Variants in FIGN observed in about 807,000 individuals in gnomAD.
FIGN encodes the protein fidgetin.
Under a neutral mutation model 51.3 loss-of-function variants are expected in FIGN, and 11 were observed. The ratio of observed to expected loss-of-function variants is 0.21; its 90% confidence interval spans 0.13 to 0.35. The LOEUF is 0.35. FIGN is among the 10% of genes least tolerant of loss of function. FIGN has a pLI of 1.00. For synonymous variants in FIGN, 407 were observed against 363.2 expected, an observed-to-expected ratio of 1.12 and a Z score of -1.37; for missense variants, 857 against 943.6, an observed-to-expected ratio of 0.91 and a Z score of 1.20.
chr2:163,636,551 C>T (rs531989007), intron 2 of FIGN, among the ~76,000 whole-genome samples: 33 of 152,288 alleles, frequency 2.2e-4, no homozygotes, highest in Admixed American at 1.3e-3. Flanking sequence ...TCCCAAAGTG[C>T]TGGGATTACA....
chr2:163,668,023 C>CCCA (rs1553498974), intron 2 of FIGN, among the ~76,000 whole-genome samples: 2 of 149,470 alleles, frequency 1.3e-5, no homozygotes, highest in Non-Finnish European at 1.5e-5. Context: ...AACCCCCCCC[C>CCCA]CCAAAAAACC....
At chr2:163,694,477 G>A (rs943055177) in intron 2 of FIGN, among the ~76,000 whole-genome samples, 1 of 152,130 alleles carries the variant, frequency 6.6e-6, no homozygotes, top group Non-Finnish European at 1.5e-5. Flanking sequence ...ACAGGATGGG[G>A]CAAGCAAGAA....
intron 2 of FIGN, among the ~76,000 whole-genome samples, chr2:163,712,223 A>C (rs896119583): frequency 2.6e-5 from 4 of 152,224 alleles, no homozygotes; most frequent in African/African-American, 9.6e-5. Flanking sequence ...ATTAAATTGT[A>C]AGATTTACAA....
rs1025488035 is a variant in FIGN at position 163,605,190 on chromosome 2, T to C, written c.*4362A>G. 7.9e-5 allele frequency: 12 copies of C among 151,958 alleles called. No homozygotes were observed. The highest frequency in any genetic ancestry group is 2.9e-4 in the African/African-American group (12 of 41,392). 9.4% of individuals were successfully genotyped at this position (151,958 alleles called of 1,614,324 possible). On this transcript the variant is annotated 3_prime_UTR_variant, in exon 3 of 3. Transcript: ENST00000333129. ...GCAGTGCCTAGTGCTACACTGCTTG[T>C]GTTGTATTTAAAAACAGGGGAAAGA... is the stretch of plus-strand genomic sequence containing the variant.
Position 163,610,996 on chromosome 2 carries a change from A to T in FIGN, c.836T>A (p.Ile279Asn), listed in dbSNP as rs1691240814. 1 of 1,613,734 alleles carries T rather than the reference A, an allele frequency of 6.2e-7. No individual in the cohort carries two copies. Among genetic ancestry groups the T allele is most frequent in the Non-Finnish European group, 8.5e-7 (1 of 1,180,000 alleles). Residue 279 changes from isoleucine (I) to asparagine (N), a missense_variant, in exon 3 of 3, where the codon ATT becomes AAT. Transcript: ENST00000333129. ...PPPSAYLPSG[I>N]PAPTPLPPTT... ...GGGGGGTAGGGGGGTGGGAGCAGGA[A>T]TTCCTGAAGGCAGGTACGCTGAAGG...
In FIGN at chr2:163,630,677, G is replaced by T. The variant is rs571366251; in HGVS notation, c.26-18871C>A. Among the ~76,000 whole-genome samples the T allele has an allele frequency of 3.4e-5, 5 of 146,756 alleles. No homozygotes were observed. In the South Asian group the frequency reaches 1.1e-3, roughly 31 times the overall value. ...TAGCAAGGATTTGTACAAAAAAAAG[G>T]GGGGGGGGAATGATGATTGTCAGTC... On this transcript the variant is annotated intron_variant, in intron 2 of 2. Coordinates refer to ENST00000333129, the MANE Select transcript of FIGN (RefSeq NM_018086.4).
chr2:163,631,620 G>C (rs970856265), intron 2 of FIGN, among the ~76,000 whole-genome samples: 2 of 151,520 alleles, frequency 1.3e-5, no homozygotes, highest in Non-Finnish European at 2.9e-5. Context: ...ACCATTTTCC[G>C]TATCACTTTG....
intron 2 of FIGN, among the ~76,000 whole-genome samples, chr2:163,667,501 C>T (rs891647309): frequency 6.6e-6 from 1 of 152,164 alleles, no homozygotes; most frequent in African/African-American, 2.4e-5. Context: ...AGCTCCATTC[C>T]CTCCATTCCC....
intron 2 of FIGN, among the ~76,000 whole-genome samples, chr2:163,645,802 T>C (rs576207800): frequency 1.3e-5 from 2 of 152,328 alleles, no homozygotes; most frequent in East Asian, 3.9e-4. Context: ...ATGAACCTGA[T>C]GCTCCACAAC....
At chr2:163,685,156 A>G (rs1684127760) in intron 2 of FIGN, among the ~76,000 whole-genome samples, 1 of 152,022 alleles carries the variant, frequency 6.6e-6, no homozygotes, top group Non-Finnish European at 1.5e-5. Flanking sequence ...TAAACACCTA[A>G]CAGTTTCATT....
intron 1 of FIGN, among the ~76,000 whole-genome samples, 182 bp downstream of exon 1, chr2:163,735,656 T>A (rs1189856935): frequency 6.6e-6 from 1 of 152,192 alleles, no homozygotes; most frequent in Non-Finnish European, 1.5e-5. Context: ...AGGGCTACTT[T>A]GAACAGAGAA....
chr2:163,639,688 G>C (rs531317204), intron 2 of FIGN, among the ~76,000 whole-genome samples: 1 of 152,176 alleles, frequency 6.6e-6, no homozygotes, highest in East Asian at 1.9e-4. Flanking sequence ...ATAGGAAATA[G>C]TTACATCATT....
chr2:163,704,656 T>TCTCTCTCTCACA (rs72286438), intron 2 of FIGN, among the ~76,000 whole-genome samples: 1 of 129,710 alleles, frequency 7.7e-6, no homozygotes, highest in African/African-American at 3.2e-5. Context: ...TCTCTCTCTC[T>TCTCTCTCTCACA]CACACACACA....
At chr2:163,662,620 A>G (rs993201814) in intron 2 of FIGN, among the ~76,000 whole-genome samples, 2 of 152,090 alleles carry the variant, frequency 1.3e-5, no homozygotes, top group Admixed American at 6.5e-5. Flanking sequence ...GGCCGGGCCC[A>G]GGGTCCCAGT....
chr2:163,654,964 G>A (rs539106901), intron 2 of FIGN, among the ~76,000 whole-genome samples: 62 of 152,304 alleles, frequency 4.1e-4, no homozygotes, highest in African/African-American at 1.4e-3. Flanking sequence ...ACTTCAGCCC[G>A]GGATGGGAAG....
intron 2 of FIGN, among the ~76,000 whole-genome samples, chr2:163,696,834 ATTTT>A (rs773678447): frequency 7.4e-6 from 1 of 135,714 alleles, no homozygotes. Flanking sequence ...TGTCTGGCTA[ATTTT>A]TTTTTTTTTT....
At chr2:163,629,322 A>G (rs2105309685) in intron 2 of FIGN, among the ~76,000 whole-genome samples, 1 of 152,348 alleles carries the variant, frequency 6.6e-6, no homozygotes, top group African/African-American at 2.4e-5. Flanking sequence ...TATGATTAGG[A>G]AAGAAAACAG....
intron 2 of FIGN, among the ~76,000 whole-genome samples, chr2:163,719,620 G>T (rs531063440): frequency 6.6e-6 from 1 of 152,270 alleles, no homozygotes; most frequent in Admixed American, 6.5e-5. Context: ...ACAGCAGATG[G>T]TTACCAATCA....
At chr2:163,655,804 C>CAGAGAGAG (rs3058760) in intron 2 of FIGN, among the ~76,000 whole-genome samples, 21 of 145,850 alleles carry the variant, frequency 1.4e-4, no homozygotes, top group African/African-American at 4.3e-4. Flanking sequence ...CACACACACA[C>CAGAGAGAG]AGAGAGAGAG....
Sources: allele counts gnomAD v4.1 joint callset (sites outside exome capture counted in the v4.1 genomes callset), GRCh38; gene constraint gnomAD v4.1.1; transcripts MANE v1.5; gene names NCBI Gene and HGNC (gene_info 2026-07-23, HGNC 2026-07-21).